PCSK6: variants seen among roughly 807,000 people sequenced by gnomAD.
PCSK6 encodes proprotein convertase subtilisin/kexin type 6.
In PCSK6, 85 loss-of-function variants were observed where a neutral mutation model predicts 123.3. That is an observed-to-expected ratio of 0.69 (90% CI 0.58 to 0.83). The LOEUF is 0.83. Among genes scored for constraint, PCSK6 ranks in the 40% least tolerant of loss-of-function variants. PCSK6 has a pLI of 0.00. For synonymous variants in PCSK6, 508 were observed against 516.0 expected (o/e 0.98, Z 0.21); for missense variants, 1,191 against 1,282.3 (o/e 0.93, Z 1.09).
At chr15:101,345,015 A>C (rs1327127772) in intron 13 of PCSK6, among the ~76,000 whole-genome samples, 2 of 152,166 alleles carry the variant, frequency 1.3e-5, no homozygotes, top group Non-Finnish European at 1.5e-5. Flanking sequence ...AAACTACTGA[A>C]GTTATTGGAC....
chr15:101,391,865 C>T (rs1259350032), intron 8 of PCSK6, among the ~76,000 whole-genome samples: 2 of 152,156 alleles, frequency 1.3e-5, no homozygotes, highest in Non-Finnish European at 2.9e-5. Flanking sequence ...TCTCTTTTAC[C>T]GTTCTCCAAA....
chr15:101,460,492 T>A (rs117058932), intron 1 of PCSK6, among the ~76,000 whole-genome samples: 1 of 152,072 alleles, frequency 6.6e-6, no homozygotes, highest in Admixed American at 6.6e-5. Flanking sequence ...TAGCAGAGGG[T>A]CACCTAGACA....
At chr15:101,487,127 T>A (rs574322890) in intron 1 of PCSK6, among the ~76,000 whole-genome samples, 1 of 152,362 alleles carries the variant, frequency 6.6e-6, no homozygotes, top group East Asian at 1.9e-4. Context: ...TCCAGGCCTT[T>A]TCCACATTAG....
chr15:101,470,407 C>T (rs1395253581), intron 1 of PCSK6, among the ~76,000 whole-genome samples: 1 of 152,100 alleles, frequency 6.6e-6, no homozygotes, highest in African/African-American at 2.4e-5. Context: ...CTAACCAAGT[C>T]CTTACTTTAT....
chr15:101,326,965 G>GCC lies in PCSK6; in HGVS notation c.2078-488_2078-487dup, dbSNP rs111819689. ...CTGATGAGCCAGGAGGAATTAGGTAGCCCCCCCGCAACTCGCTGTGGTGGG... is the reference window on the plus strand; with the variant it reads ...CTGATGAGCCAGGAGGAATTAGGTAGCCCCCCCCCGCAACTCGCTGTGGTGGG... On this transcript the variant is annotated intron_variant, in intron 15 of 21. Transcript: ENST00000611716. Among the ~76,000 whole-genome samples, 7 of 152,008 alleles carry GCC rather than the reference G, an allele frequency of 4.6e-5. 1 individual carries two copies. The highest frequency in any genetic ancestry group is 4.2e-4 in the South Asian group (2 of 4,818).
At chr15:101,335,858 C>G (rs2040465430) in intron 13 of PCSK6, among the ~76,000 whole-genome samples, 1 of 152,228 alleles carries the variant, frequency 6.6e-6, no homozygotes, top group African/African-American at 2.4e-5. Flanking sequence ...CTACTCCACA[C>G]CTAGGCTATA....
Position 101,384,063 on chromosome 15 carries a change from T to G in PCSK6, c.1414+259A>C, listed in dbSNP as rs1279418820. ...AGAGAACTATGAGTAAATATTGGTA[T>G]AGGTGGTGTCTCGGTGTGGCCAAAG... On this transcript the variant is annotated intron_variant, in intron 10 of 21. Coordinates refer to ENST00000611716, the MANE Select transcript of PCSK6 (RefSeq NM_002570.5). 9 of 946,400 alleles carry G rather than the reference T, an allele frequency of 9.5e-6. No individual in the cohort carries two copies. The East Asian group carries it at 9.3e-4, about 98-fold the overall frequency. 58.6% of individuals were successfully genotyped at this position (946,400 alleles called of 1,614,324 possible).
chr15:101,468,672 G>A (rs758774320), intron 1 of PCSK6, among the ~76,000 whole-genome samples: 16 of 152,172 alleles, frequency 1.1e-4, no homozygotes, highest in Non-Finnish European at 2.2e-4. Flanking sequence ...GACAGCAGTT[G>A]GTACTAATAA....
intron 10 of PCSK6, among the ~76,000 whole-genome samples, 198 bp from the exon 11 acceptor site, chr15:101,382,407 A>G (rs2041935566): frequency 6.6e-6 from 1 of 151,778 alleles, no homozygotes; most frequent in South Asian, 2.1e-4. Flanking sequence ...TCTGAACCCA[A>G]CTCCTTCTGC....
intron 13 of PCSK6, among the ~76,000 whole-genome samples, chr15:101,364,304 G>A (rs1223721870): frequency 2.0e-5 from 3 of 152,116 alleles, no homozygotes; most frequent in Non-Finnish European, 4.4e-5. Flanking sequence ...TTCTGTAAAC[G>A]TTACTATGCA....
chr15:101,345,420 T>C (rs2040707371), intron 13 of PCSK6, among the ~76,000 whole-genome samples: 2 of 152,156 alleles, frequency 1.3e-5, no homozygotes, highest in South Asian at 2.1e-4. Context: ...AAACAGATTA[T>C]GAAGAAAATA....
At chr15:101,447,892 C>T (rs1567228292) in intron 1 of PCSK6, among the ~76,000 whole-genome samples, 1 of 152,228 alleles carries the variant, frequency 6.6e-6, no homozygotes, top group Non-Finnish European at 1.5e-5. Flanking sequence ...CGGACTGCCG[C>T]TATCGGAGGG....
intron 13 of PCSK6, chr15:101,365,175 G>A (rs1304048098): frequency 1.4e-5 from 7 of 483,356 alleles, no homozygotes; most frequent in Non-Finnish European, 2.6e-5. Flanking sequence ...ACATGTAAGA[G>A]CTATAACACT....
At chr15:101,323,439 A>G (rs2141356271) in intron 17 of PCSK6, among the ~76,000 whole-genome samples, 1 of 152,334 alleles carries the variant, frequency 6.6e-6, no homozygotes, top group Non-Finnish European at 1.5e-5. Context: ...TCCCCGCTAA[A>G]GGGAGTCTGG....
chr15:101,424,826 A>G (rs184737421), intron 6 of PCSK6, among the ~76,000 whole-genome samples: 3 of 152,372 alleles, frequency 2.0e-5, no homozygotes, highest in Non-Finnish European at 2.9e-5. Context: ...GACTGGGATA[A>G]GTTGGGATAT....
At chr15:101,395,003 T>C (rs1260005493) in intron 7 of PCSK6, among the ~76,000 whole-genome samples, 5 of 152,234 alleles carry the variant, frequency 3.3e-5, no homozygotes, top group African/African-American at 7.2e-5. Context: ...GGTGTGTGTG[T>C]GCACGTGATT....
intron 1 of PCSK6, among the ~76,000 whole-genome samples, chr15:101,462,000 A>C (rs550277765): frequency 1.3e-5 from 2 of 152,366 alleles, no homozygotes; most frequent in South Asian, 4.1e-4. Context: ...AATTAGCTTA[A>C]AGATTGATTA....
intron 20 of PCSK6, among the ~76,000 whole-genome samples, chr15:101,309,469 A>G (rs1286159566): frequency 2.6e-5 from 4 of 152,126 alleles, no homozygotes; most frequent in African/African-American, 7.2e-5. Context: ...TTTTCCCCCA[A>G]ACACCATGGC....
At chr15:101,421,412 T>C (rs2056081401) in intron 6 of PCSK6, among the ~76,000 whole-genome samples, 1 of 152,196 alleles carries the variant, frequency 6.6e-6, no homozygotes. Context: ...CAAATTTCTT[T>C]CCCCTTGAGT....
Sources: gnomAD v4.1 joint callset for allele counts (sites outside exome capture counted in the v4.1 genomes callset) on GRCh38, gnomAD v4.1.1 for gene constraint, MANE v1.5 for transcripts, NCBI Gene and HGNC (gene_info 2026-07-23, HGNC 2026-07-21) for gene names.